DLGAP1: variants seen among roughly 807,000 people sequenced by gnomAD.
DLGAP1 encodes DLG associated protein 1.
DLGAP1 carries 11 observed loss-of-function variants against 90.8 expected under a neutral mutation model. The observed-to-expected ratio is 0.12, with a 90% CI of 0.08 to 0.20. The LOEUF (loss-of-function observed/expected upper bound fraction) is 0.20. DLGAP1 is among the 10% of genes least tolerant of loss of function. The pLI is 1.00. For missense variants in DLGAP1, 1,050 were observed against 1,333.8 expected (o/e 0.79, Z 3.31); for synonymous variants, 558 against 540.7 (o/e 1.03, Z -0.44).
intron 4 of DLGAP1, among the ~76,000 whole-genome samples, chr18:3,839,540 T>A (rs866461419): frequency 6.6e-6 from 1 of 152,042 alleles, no homozygotes; most frequent in African/African-American, 2.4e-5. Context: ...AGTACAGAAG[T>A]GGGAACAGAA....
At chr18:4,422,289 T>C (rs1046083102) in intron 1 of DLGAP1, among the ~76,000 whole-genome samples, 1 of 151,946 alleles carries the variant, frequency 6.6e-6, no homozygotes, top group African/African-American at 2.4e-5. Context: ...TATAATGCCA[T>C]GTTTACTGAC....
intron 2 of DLGAP1, among the ~76,000 whole-genome samples, chr18:4,105,136 G>A (rs780429266): frequency 2.0e-5 from 3 of 152,110 alleles, no homozygotes; most frequent in Non-Finnish European, 2.9e-5. Context: ...GCACTCACAC[G>A]GTGCATAATC....
intron 2 of DLGAP1, among the ~76,000 whole-genome samples, chr18:4,086,168 G>A (rs192866436): frequency 3.3e-5 from 5 of 152,208 alleles, no homozygotes; most frequent in Admixed American, 3.3e-4. Context: ...TGGTAGGACG[G>A]GAGTGGGGTG....
intron 1 of DLGAP1, among the ~76,000 whole-genome samples, chr18:4,297,677 C>G (rs1050961625): frequency 5.3e-5 from 8 of 152,126 alleles, no homozygotes; most frequent in African/African-American, 1.9e-4. Flanking sequence ...GATCTGGAGA[C>G]AAGGCTCTCT....
chr18:3,826,448 G>A (rs765624353), intron 4 of DLGAP1, among the ~76,000 whole-genome samples: 28 of 152,276 alleles, frequency 1.8e-4, no homozygotes, highest in Non-Finnish European at 3.1e-4. Context: ...TGGCATCATC[G>A]CAGGCTACAT....
intron 5 of DLGAP1, among the ~76,000 whole-genome samples, chr18:3,812,073 G>A (rs2066872662): frequency 6.6e-6 from 1 of 152,170 alleles, no homozygotes; most frequent in Admixed American, 6.5e-5. Context: ...TTAGGAGGTG[G>A]AAAGGACTCT....
At chr18:3,573,947 C>T (rs2054956471) in intron 8 of DLGAP1, among the ~76,000 whole-genome samples, 1 of 152,208 alleles carries the variant, frequency 6.6e-6, no homozygotes, top group Non-Finnish European at 1.5e-5. Flanking sequence ...AGCCATCTAC[C>T]CACCTTAGCT....
chr18:4,349,537 TA>T (rs1281700741), intron 1 of DLGAP1, among the ~76,000 whole-genome samples: 2 of 151,592 alleles, frequency 1.3e-5, no homozygotes, highest in Non-Finnish European at 2.9e-5. Flanking sequence ...AGGGTAAAGG[TA>T]AAAGAATAAA....
At chr18:3,677,745 G>C (rs1488668110) in intron 7 of DLGAP1, among the ~76,000 whole-genome samples, 1 of 147,650 alleles carries the variant, frequency 6.8e-6, no homozygotes, top group Admixed American at 6.8e-5. Flanking sequence ...TGCAACCTCT[G>C]TCTCCCGGGT....
chr18:4,393,981 G>A (rs147450259), intron 1 of DLGAP1, among the ~76,000 whole-genome samples: 138 of 152,290 alleles, frequency 9.1e-4, no homozygotes, highest in African/African-American at 2.9e-3. Flanking sequence ...CCTTCCTGCT[G>A]TGCGGCCAGG....
chr18:3,639,194 A>T (rs1212367408), intron 7 of DLGAP1, among the ~76,000 whole-genome samples: 1 of 151,996 alleles, frequency 6.6e-6, no homozygotes, highest in Non-Finnish European at 1.5e-5. Context: ...CGTCTGTACT[A>T]AAAATACAAA....
chr18:4,354,303 CACCTTGCTG>C (rs2081460371), intron 1 of DLGAP1, among the ~76,000 whole-genome samples: 1 of 152,306 alleles, frequency 6.6e-6, no homozygotes, highest in South Asian at 2.1e-4. Context: ...AACCTTCCTC[CACCTTGCTG>C]TGTGGAAGAT....
intron 4 of DLGAP1, among the ~76,000 whole-genome samples, chr18:3,815,850 TAA>T (rs2067078215): frequency 6.6e-6 from 1 of 152,004 alleles, no homozygotes; most frequent in Non-Finnish European, 1.5e-5. Flanking sequence ...AAGGCTTAAG[TAA>T]AAGAGACCAA....
chr18:3,808,655 GA>G (rs2066681866), intron 5 of DLGAP1, among the ~76,000 whole-genome samples: 1 of 152,080 alleles, frequency 6.6e-6, no homozygotes, highest in Admixed American at 6.6e-5. Flanking sequence ...TATCTTTGGG[GA>G]AAAAATAGCG....
intron 9 of DLGAP1, among the ~76,000 whole-genome samples, chr18:3,557,595 A>G (rs919882857): frequency 7.2e-5 from 11 of 152,182 alleles, no homozygotes; most frequent in African/African-American, 2.4e-4. Flanking sequence ...CTCATTTGTA[A>G]TTTAAAGTGT....
At chr18:3,645,729 G>T (rs1020171147) in intron 7 of DLGAP1, among the ~76,000 whole-genome samples, 1 of 152,082 alleles carries the variant, frequency 6.6e-6, no homozygotes, top group African/African-American at 2.4e-5. Context: ...AGTCATAATG[G>T]CCTGTTCACA....
intron 4 of DLGAP1, among the ~76,000 whole-genome samples, chr18:3,830,646 T>C (rs1455383949): frequency 6.6e-6 from 1 of 152,210 alleles, no homozygotes; most frequent in Non-Finnish European, 1.5e-5. Flanking sequence ...AAGAATTCCA[T>C]AATGCCCGGC....
At chr18:3,682,573 T>A (rs1337765960) in intron 7 of DLGAP1, among the ~76,000 whole-genome samples, 2 of 152,174 alleles carry the variant, frequency 1.3e-5, no homozygotes, top group Non-Finnish European at 2.9e-5. Context: ...CATTTATGAG[T>A]CAGAAGGCCT....
intron 4 of DLGAP1, among the ~76,000 whole-genome samples, chr18:3,856,158 A>G (rs899376200): frequency 6.6e-6 from 1 of 152,190 alleles, no homozygotes; most frequent in African/African-American, 2.4e-5. Context: ...TGAATAAACA[A>G]CTAGATGATT....
Sources: allele counts gnomAD v4.1 joint callset (sites outside exome capture counted in the v4.1 genomes callset), GRCh38; gene constraint gnomAD v4.1.1; transcripts MANE v1.5; gene names NCBI Gene and HGNC (gene_info 2026-07-23, HGNC 2026-07-21).